Variants in ICE1 observed in about 807,000 individuals in gnomAD.
ICE1 encodes the protein little elongation complex subunit 1.
ICE1 carries 64 observed loss-of-function variants against 192.7 expected under a neutral mutation model. The observed-to-expected ratio is 0.33, with a 90% CI of 0.27 to 0.41. The LOEUF is 0.41. Among genes scored for constraint, ICE1 ranks in the 10% least tolerant of loss-of-function variants. The probability of loss-of-function intolerance (pLI) is 1.00; values close to 1 mark genes in which losing one functional copy is unlikely to be tolerated. For synonymous variants in ICE1, 1,010 were observed against 984.5 expected (o/e 1.03, Z -0.49); for missense variants, 2,708 against 2,696.0 (o/e 1.00, Z -0.10).
chr5:5,437,276 T>C, intron 3 of ICE1, 162 bp downstream of exon 3: 1 of 523,212 alleles, frequency 1.9e-6, no homozygotes, highest in South Asian at 2.9e-5. Context: ...ACAGTCCTTT[T>C]ATTCTTAATC....
intron 1 of ICE1, among the ~76,000 whole-genome samples, chr5:5,431,448 G>T (rs186000246): frequency 6.6e-6 from 1 of 152,102 alleles, no homozygotes; most frequent in Non-Finnish European, 1.5e-5. Flanking sequence ...TCTCCATTCC[G>T]AAGGACCATG....
intron 1 of ICE1, among the ~76,000 whole-genome samples, chr5:5,431,142 G>A (rs547678391): frequency 2.0e-5 from 3 of 152,242 alleles, no homozygotes; most frequent in African/African-American, 7.2e-5. Flanking sequence ...TTTCTTCGGG[G>A]TCTCTGCCTA....
At chr5:5,489,109 T>C in intron 18 of ICE1, 40 bp from the exon 19 acceptor site, 1 of 1,574,840 alleles carries the variant, frequency 6.3e-7, no homozygotes, top group Non-Finnish European at 8.7e-7. Context: ...GAATAACAGA[T>C]ATTTTCTTGT....
At position 5,460,850 on chromosome 5, in the gene ICE1, C is replaced by G. The variant is rs1202032164; in HGVS notation, c.1516C>G (p.Arg506Gly). 1 of 1,614,012 alleles carries G rather than the reference C, an allele frequency of 6.2e-7. No individual in the cohort carries two copies. The highest frequency in any genetic ancestry group is 8.5e-7 in the Non-Finnish European group (1 of 1,179,898). The change falls in exon 13 of 19, where the codon CGA (arginine) becomes GGA (glycine). Residue 506 changes from arginine to glycine, a missense_variant. Arg to Gly is a moderately radical substitution (Grantham distance 125, BLOSUM62 -2). Around this residue, in one of 2 missense-constraint regions of ICE1, gnomAD observed 2,366 missense variants for 2,276.6 expected, o/e 1.04. Coordinates refer to ENST00000296564, the MANE Select transcript of ICE1 (RefSeq NM_015325.3). ...QTEKTIHKLT[R>G]GLCIERLSAS... ...TGAGAAGACCATTCATAAACTCACTCGAGGTCTATGCATTGAGAGATTGTC... is the reference window on the plus strand; with the variant it reads ...TGAGAAGACCATTCATAAACTCACTGGAGGTCTATGCATTGAGAGATTGTC...
intron 18 of ICE1, among the ~76,000 whole-genome samples, chr5:5,488,727 C>T (rs1739696927): frequency 6.6e-6 from 1 of 152,110 alleles, no homozygotes; most frequent in African/African-American, 2.4e-5. Flanking sequence ...TTTCCAAAGT[C>T]CATTTATAAA....
At chr5:5,481,462 A>G (rs2111404580) in intron 17 of ICE1, among the ~76,000 whole-genome samples, 1 of 152,266 alleles carries the variant, frequency 6.6e-6, no homozygotes, top group South Asian at 2.1e-4. Context: ...TGTCTTCTCC[A>G]GTGTCTCTTC....
chr5:5,486,305 G>A (rs187787053), intron 17 of ICE1, among the ~76,000 whole-genome samples: 3 of 152,338 alleles, frequency 2.0e-5, no homozygotes, highest in Non-Finnish European at 4.4e-5. Context: ...TGTCAGCACT[G>A]GGAGGAAGGC....
intron 1 of ICE1, among the ~76,000 whole-genome samples, chr5:5,423,842 G>C (rs1303781393): frequency 6.6e-6 from 1 of 152,202 alleles, no homozygotes; most frequent in Non-Finnish European, 1.5e-5. Flanking sequence ...TACAGACATT[G>C]TGGTGAACAA....
chr5:5,486,259 T>C (rs1739636239), intron 17 of ICE1, among the ~76,000 whole-genome samples: 1 of 152,166 alleles, frequency 6.6e-6, no homozygotes, highest in Non-Finnish European at 1.5e-5. Flanking sequence ...AGTCCGGTAG[T>C]TTGATCTGCT....
intron 15 of ICE1, among the ~76,000 whole-genome samples, chr5:5,469,537 C>CT (rs749135424): frequency 1.4e-4 from 21 of 152,128 alleles, no homozygotes; most frequent in Non-Finnish European, 2.6e-4. Context: ...TAATGAGAGT[C>CT]TAACTACCGG....
intron 17 of ICE1, among the ~76,000 whole-genome samples, chr5:5,480,071 G>A (rs1418664667): frequency 6.6e-6 from 1 of 152,036 alleles, no homozygotes; most frequent in African/African-American, 2.4e-5. Flanking sequence ...CGTTCTGCAT[G>A]TGTATTCCAC....
At chr5:5,469,035 T>C (rs1426263779) in intron 15 of ICE1, 47 bp downstream of exon 15, 1 of 1,241,040 alleles carries the variant, frequency 8.1e-7, no homozygotes, top group Non-Finnish European at 1.1e-6. Context: ...TTAGATATTA[T>C]ATAAATGTTA....
At position 5,462,643 on chromosome 5, in the gene ICE1, G is replaced by T; in HGVS notation, c.3309G>T (p.Gly1103=). 6.2e-7 allele frequency: 1 copy of T among 1,613,936 alleles called. No individual in the cohort carries two copies. The highest frequency in any genetic ancestry group is 2.2e-5 in the East Asian group (1 of 44,878). Residue 1103 remains glycine (G), a synonymous_variant, in exon 13 of 19, where the codon GGG becomes GGT. Transcript: ENST00000296564. Reference sequence around the variant, plus strand: ...ATTGTTACACAGGCATTCGAGAGGGGGGAGACGACACTGAGGTAGAGAGTG... The same window carrying T: ...ATTGTTACACAGGCATTCGAGAGGGTGGAGACGACACTGAGGTAGAGAGTG... ...TLHCYTGIRE[G]GDDTEVESEA... is the part of the protein sequence containing the mutation.
chr5:5,444,761 T>C (rs537967672), intron 7 of ICE1, among the ~76,000 whole-genome samples: 2 of 152,184 alleles, frequency 1.3e-5, no homozygotes, highest in Non-Finnish European at 2.9e-5. Flanking sequence ...TGAAATTTTG[T>C]ACATTAGGGA....
intron 1 of ICE1, among the ~76,000 whole-genome samples, chr5:5,431,302 C>T (rs1226337001): frequency 1.3e-5 from 2 of 152,216 alleles, no homozygotes; most frequent in Non-Finnish European, 2.9e-5. Flanking sequence ...AAAATAACTG[C>T]ATTCCCTTGC....
intron 16 of ICE1, among the ~76,000 whole-genome samples, chr5:5,474,393 G>A (rs979211061): frequency 5.3e-5 from 8 of 152,152 alleles, no homozygotes; most frequent in East Asian, 3.9e-4. Context: ...CCTAGCATGC[G>A]GAACAGTGCC....
rs1738628999 is a variant in ICE1 at position 5,457,668 on chromosome 5, T to A, written c.1028T>A (p.Leu343His). Reference protein sequence around the residue: ...AIDFFKLPPPLLSPVPSPPPM... With the variant: ...AIDFFKLPPPHLSPVPSPPPM... ...GACTTCTTCAAACTTCCCCCTCCTC[T>A]TCTGTCACCAGTGCCCTCGCCCCCT... is the stretch of plus-strand genomic sequence containing the variant. Residue 343 changes from leucine (L) to histidine (H), a missense_variant, in exon 12 of 19, where the codon CTT becomes CAT. By Grantham distance (99) the Leu-to-His change is moderately conservative. This residue lies in a region of ICE1 where 2,366 missense variants were observed against 2,276.6 expected (regional missense o/e 1.04). Coordinates refer to ENST00000296564, the MANE Select transcript of ICE1 (RefSeq NM_015325.3). The A allele has an allele frequency of 1.2e-6, 2 of 1,613,830 alleles. No individual in the cohort carries two copies. The highest frequency in any genetic ancestry group is 3.3e-5 in the Admixed American group (2 of 60,000).
rs183316256 is a variant in ICE1 at position 5,428,644 on chromosome 5, G to A, written c.84+5645G>A. 2.6e-5 allele frequency among the ~76,000 whole-genome samples: 4 copies of A among 152,190 alleles called. No homozygotes were observed. The East Asian group carries it at 7.7e-4, about 29-fold the overall frequency. On this transcript the variant is annotated intron_variant, in intron 1 of 18. Transcript: ENST00000296564. ...GGGTATACTTCCTCCAGATATGAAC[G>A]TTTTCCAACATAATTACCCTACACC...
chr5:5,440,437 C>T (rs982685796), intron 4 of ICE1, among the ~76,000 whole-genome samples: 1 of 152,190 alleles, frequency 6.6e-6, no homozygotes, highest in Non-Finnish European at 1.5e-5. Flanking sequence ...GATTCTCAGC[C>T]AGGCTGTTTG....
Sources: gnomAD v4.1 joint callset for allele counts (sites outside exome capture counted in the v4.1 genomes callset) on GRCh38, gnomAD v4.1.1 for gene constraint, gnomAD v4.1.1 regional missense constraint, MANE v1.5 for transcripts, NCBI Gene and HGNC (gene_info 2026-07-23, HGNC 2026-07-21) for gene names.